GLRA2: variants seen among roughly 807,000 people sequenced by gnomAD.
The protein encoded by GLRA2 is glycine receptor alpha 2, also known as glycine receptor subunit alpha-2.
GLRA2 carries 11 observed loss-of-function variants against 31.6 expected under a neutral mutation model. That is an observed-to-expected ratio of 0.35 (90% confidence interval 0.22 to 0.58). The LOEUF is 0.58. Among genes scored for constraint, GLRA2 ranks in the 20% least tolerant of loss-of-function variants. GLRA2 has a pLI of 0.84. For missense variants in GLRA2, 212 were observed against 351.8 expected, an observed-to-expected ratio of 0.60 and a Z score of 3.18; for synonymous variants, 132 against 134.0, an observed-to-expected ratio of 0.99 and a Z score of 0.10.
chrX:14,452,641 A>G, the GLRA2 span, among the ~76,000 whole-genome samples: 1 of 112,166 alleles, frequency 8.9e-6, no homozygotes, highest in Non-Finnish European at 1.9e-5. Context: ...GTTACAGAAG[A>G]GATAGTACTT....
At chrX:14,646,362 G>C (rs933910944) in intron 7 of GLRA2, among the ~76,000 whole-genome samples, 2 of 111,904 alleles carry the variant, frequency 1.8e-5, no homozygotes, top group African/African-American at 6.5e-5. Flanking sequence ...ACTGGGCATT[G>C]TTTTGAATTC....
chrX:14,483,452 G>A, the GLRA2 span, among the ~76,000 whole-genome samples: 2 of 111,983 alleles, frequency 1.8e-5, no homozygotes, highest in Non-Finnish European at 3.8e-5. Context: ...TAGGGTTATA[G>A]TAAATATTAA....
upstream of GLRA2, among the ~76,000 whole-genome samples, chrX:14,524,324 C>G (rs1051543197): frequency 8.9e-6 from 1 of 111,886 alleles, no homozygotes; most frequent in Non-Finnish European, 1.9e-5. Context: ...TGCCAGAGGT[C>G]TTCTCATCTA....
intron 2 of GLRA2, among the ~76,000 whole-genome samples, chrX:14,543,810 A>G (rs2089440711): frequency 8.9e-6 from 1 of 112,083 alleles, no homozygotes; most frequent in Non-Finnish European, 1.9e-5. Flanking sequence ...AAAAATAAAT[A>G]CACAAATAAA....
intron 7 of GLRA2, among the ~76,000 whole-genome samples, chrX:14,646,773 G>C (rs887656157): frequency 2.0e-4 from 22 of 111,490 alleles, no homozygotes; most frequent in Non-Finnish European, 3.6e-4. Context: ...AAGGTAGAGA[G>C]AATCAATTAG....
the GLRA2 span, among the ~76,000 whole-genome samples, chrX:14,472,895 T>C: frequency 9.0e-6 from 1 of 111,176 alleles, no homozygotes; most frequent in Non-Finnish European, 1.9e-5. Flanking sequence ...CTCTGGTGAA[T>C]ACTCCTATAC....
chrX:14,600,330 C>G (rs1286755617), intron 4 of GLRA2, among the ~76,000 whole-genome samples: 1 of 110,743 alleles, frequency 9.0e-6, no homozygotes, highest in Admixed American at 9.6e-5. Flanking sequence ...AGTAACAAAC[C>G]AATATATAGT....
Position 14,604,310 on chromosome X carries a change from C to A in GLRA2, c.495-5C>A. On this transcript the variant is annotated splice_region_variant and splice_polypyrimidine_tract_variant and intron_variant, in intron 4 of 8. Transcript: ENST00000218075. ...TGGTTTTTAATTTTTTTTTTGTTTGCTAAGACTCACCTTGACCTTATCCTG... is the reference window on the plus strand; with the variant it reads ...TGGTTTTTAATTTTTTTTTTGTTTGATAAGACTCACCTTGACCTTATCCTG... The A allele has an allele frequency of 8.9e-7, 1 of 1,123,827 alleles. No homozygotes were observed. The highest frequency in any genetic ancestry group is 1.2e-6 in the Non-Finnish European group (1 of 822,366). 92.6% of individuals were successfully genotyped at this position (1,123,827 alleles called of 1,213,427 possible).
chrX:14,528,869 C>G (rs1231432660), upstream of GLRA2, among the ~76,000 whole-genome samples: 1 of 111,680 alleles, frequency 9.0e-6, no homozygotes, highest in Admixed American at 9.5e-5. Flanking sequence ...CTGTGACTTG[C>G]GGATGCCCAA....
chrX:14,497,911 A>G, the GLRA2 span, among the ~76,000 whole-genome samples: 1 of 110,408 alleles, frequency 9.1e-6, no homozygotes, highest in Non-Finnish European at 1.9e-5. Flanking sequence ...AATAGAACAG[A>G]CAGCAAGATG....
At position 14,637,722 on chromosome X, in the gene GLRA2, T is replaced by C. The variant is rs143021527; in HGVS notation, c.930+28517T>C. Among the ~76,000 whole-genome samples, 374 of 111,998 alleles carry C rather than the reference T, an allele frequency of 3.3e-3. 1 individual carries two copies. The highest frequency in any genetic ancestry group is 0.012 in the African/African-American group (361 of 30,866). On this transcript the variant is annotated intron_variant, in intron 7 of 8. Transcript: ENST00000218075. ...AGCCCCACTGGGAGTAAGGGGCATG[T>C]AATACATTGTATACGTCACAGTATT... is the stretch of plus-strand genomic sequence containing the variant.
At chrX:14,510,660 A>G in the GLRA2 span, among the ~76,000 whole-genome samples, 2 of 111,631 alleles carry the variant, frequency 1.8e-5, no homozygotes, top group Admixed American at 1.9e-4. Context: ...ATTCCTGGGG[A>G]AAATGGGTCT....
At chrX:14,531,625 A>C (rs1469659286) in intron 1 of GLRA2, among the ~76,000 whole-genome samples, 4 of 111,445 alleles carry the variant, frequency 3.6e-5, no homozygotes, top group Admixed American at 9.5e-5. Context: ...CTGATAAAAT[A>C]ATAGAAGTCA....
At chrX:14,462,816 T>C in the GLRA2 span, among the ~76,000 whole-genome samples, 2 of 111,681 alleles carry the variant, frequency 1.8e-5, no homozygotes, top group Non-Finnish European at 3.8e-5. Context: ...GAGAAGTTTT[T>C]TATTACCGAC....
intron 4 of GLRA2, among the ~76,000 whole-genome samples, chrX:14,582,687 T>C (rs2090035553): frequency 8.9e-6 from 1 of 112,174 alleles, no homozygotes; most frequent in Admixed American, 9.5e-5. Context: ...ACCTTAATTT[T>C]AAAACGGGAA....
intron 4 of GLRA2, among the ~76,000 whole-genome samples, chrX:14,583,512 G>A (rs1009141602): frequency 4.5e-5 from 5 of 112,313 alleles, no homozygotes; most frequent in South Asian, 7.3e-4. Flanking sequence ...GCCGAAATGG[G>A]TGGATCACGA....
chrX:14,708,180 C>CTCTA (rs1416748768), intron 8 of GLRA2, among the ~76,000 whole-genome samples: 1 of 111,733 alleles, frequency 8.9e-6, no homozygotes, highest in Admixed American at 9.5e-5. Flanking sequence ...TTTCCCCTCA[C>CTCTA]TCTATCTCTT....
chrX:14,656,453 T>A (rs745998299), intron 7 of GLRA2, among the ~76,000 whole-genome samples: 99 of 111,895 alleles, frequency 8.8e-4, no homozygotes, highest in African/African-American at 3.1e-3. Context: ...GGTATGGTGT[T>A]AAGTGTATAA....
the GLRA2 span, among the ~76,000 whole-genome samples, chrX:14,462,492 T>A: frequency 8.9e-6 from 1 of 111,974 alleles, no homozygotes; most frequent in Non-Finnish European, 1.9e-5. Context: ...ACCAATCAAA[T>A]GTAGATTTGG....
Sources: allele counts gnomAD v4.1 joint callset (sites outside exome capture counted in the v4.1 genomes callset), GRCh38; gene constraint gnomAD v4.1.1; transcripts MANE v1.5; gene names NCBI Gene and HGNC (gene_info 2026-07-23, HGNC 2026-07-21).